AGPAT3: variants seen among roughly 807,000 people sequenced by gnomAD.
AGPAT3 encodes the protein 1-acylglycerol-3-phosphate O-acyltransferase 3.
In AGPAT3, 5 loss-of-function variants were observed where a neutral mutation model predicts 47.3. That is an observed-to-expected ratio of 0.11 (90% CI 0.06 to 0.22). The LOEUF is 0.22. Among genes scored for constraint, AGPAT3 ranks in the 10% least tolerant of loss-of-function variants. AGPAT3 has a pLI of 1.00. For synonymous variants in AGPAT3, 212 were observed against 208.3 expected, an observed-to-expected ratio of 1.02 and a Z score of -0.15; for missense variants, 315 against 493.0, an observed-to-expected ratio of 0.64 and a Z score of 3.42.
chr21:43,865,846 G>A (rs574620565), intron 1 of AGPAT3, among the ~76,000 whole-genome samples: 3 of 152,116 alleles, frequency 2.0e-5, no homozygotes, highest in African/African-American at 4.8e-5. Flanking sequence ...CCCCCCCCAG[G>A]GGCCTCCTCC....
At chr21:43,925,653 C>G (rs940388465) in intron 2 of AGPAT3, among the ~76,000 whole-genome samples, 8 of 152,252 alleles carry the variant, frequency 5.3e-5, no homozygotes, top group Non-Finnish European at 8.8e-5. Context: ...TCCAGCTCCG[C>G]TCTGTCCCCT....
rs969061008 is a variant in AGPAT3, at chr21:43,930,252, G to T, written c.-49+26233G>T. Among the ~76,000 whole-genome samples the T allele has an allele frequency of 6.6e-6, 1 of 152,142 alleles. No homozygotes were observed. Among genetic ancestry groups the T allele is most frequent in the African/African-American group, 2.4e-5 (1 of 41,436 alleles). On this transcript the variant is annotated intron_variant, in intron 2 of 9. Transcript: ENST00000291572. The surrounding 1 kb of genome is among the most constrained non-coding windows in gnomAD (Gnocchi z 5.0). ...TGGGAGGTCTCAGGGCAGAGACGCC[G>T]CACGGTGGGGTAGGGGGCTCTGGTG...
chr21:43,895,507 G>A (rs1022611419), intron 1 of AGPAT3, among the ~76,000 whole-genome samples: 4 of 102,490 alleles, frequency 3.9e-5, no homozygotes, highest in East Asian at 5.9e-4. Context: ...TGTAGTGACA[G>A]GATTTTTTTT....
chr21:43,939,592 C>T lies in AGPAT3; in HGVS notation c.-48-20042C>T, dbSNP rs9653797. Among the ~76,000 whole-genome samples, 1,318 of 152,264 alleles carry T rather than the reference C, an allele frequency of 8.7e-3. 20 individuals carry two copies. Among genetic ancestry groups the T allele is most frequent in the African/African-American group, 0.03 (1,236 of 41,534 alleles). ...TGCAGTTTGGAGAGAGTGTCGCGGGCGCCTGGCCTGTCCGGCAGGCTGGGT... is the reference window on the plus strand; with the variant it reads ...TGCAGTTTGGAGAGAGTGTCGCGGGTGCCTGGCCTGTCCGGCAGGCTGGGT... On this transcript the variant is annotated intron_variant, in intron 2 of 9. Coordinates refer to ENST00000291572, the MANE Select transcript of AGPAT3 (RefSeq NM_020132.5). The surrounding 1 kb of genome is among the most constrained non-coding windows in gnomAD (Gnocchi z 4.4).
At chr21:43,867,503 G>C (rs2085533693) in intron 1 of AGPAT3, 1 of 152,264 alleles carries the variant, frequency 6.6e-6, no homozygotes, top group South Asian at 2.1e-4. Flanking sequence ...CCCCGCTTAG[G>C]CTCTCACATT....
At position 43,907,392 on chromosome 21, in the gene AGPAT3, T is replaced by C. The variant is rs554097044; in HGVS notation, c.-49+3373T>C. ...TGCTGAAGATTTATGTACTTCTCTG[T>C]ATCTATTACACTTTAACAAAAAGTT... On this transcript the variant is annotated intron_variant, in intron 2 of 9. Coordinates refer to ENST00000291572, the MANE Select transcript of AGPAT3 (RefSeq NM_020132.5). Among the ~76,000 whole-genome samples the C allele has an allele frequency of 2.6e-5, 4 of 152,250 alleles. No individual in the cohort carries two copies. In the South Asian group the frequency reaches 8.3e-4, roughly 32 times the overall value.
At chr21:43,871,654 C>T (rs550478371) in intron 1 of AGPAT3, among the ~76,000 whole-genome samples, 2 of 152,314 alleles carry the variant, frequency 1.3e-5, no homozygotes, top group East Asian at 3.9e-4. Flanking sequence ...TGAAAGTGAG[C>T]ATCCTGCATA....
rs1192782767 is a variant in AGPAT3 at position 43,897,586 on chromosome 21, G to A, written c.-111-6371G>A. Among the ~76,000 whole-genome samples, 53 of 145,390 alleles carry A rather than the reference G, an allele frequency of 3.6e-4. 4 individuals are homozygous for A. The highest frequency in any genetic ancestry group is 9.3e-4 in the African/African-American group (35 of 37,474). On this transcript the variant is annotated intron_variant, in intron 1 of 9. Transcript: ENST00000291572. The stretch of plus-strand genomic sequence containing the variant: ...CAGAGGCGCTCCTCACATCCCAGAC[G>A]GGGCGGCCGGGCAGAGGGGCTCCTC...
At chr21:43,869,325 A>T (rs1288485845) in intron 1 of AGPAT3, among the ~76,000 whole-genome samples, 1 of 152,216 alleles carries the variant, frequency 6.6e-6, no homozygotes, top group Non-Finnish European at 1.5e-5. Context: ...GTCCTAGTCT[A>T]ATTGGAGTGA....
At chr21:43,892,896 A>G (rs1294232300) in intron 1 of AGPAT3, among the ~76,000 whole-genome samples, 4 of 152,154 alleles carry the variant, frequency 2.6e-5, no homozygotes, top group Non-Finnish European at 5.9e-5. Context: ...TCAAGTCAAG[A>G]CCAAGCTGGG....
Position 43,920,914 on chromosome 21 carries a change from A to G in AGPAT3, c.-49+16895A>G, listed in dbSNP as rs1433379861. Among the ~76,000 whole-genome samples the G allele has an allele frequency of 1.3e-5, 2 of 152,174 alleles. No homozygotes were observed. Among genetic ancestry groups the G allele is most frequent in the East Asian group, 1.9e-4 (1 of 5,192 alleles). On this transcript the variant is annotated intron_variant, in intron 2 of 9. Transcript: ENST00000291572. The surrounding 1 kb of genome is among the most constrained non-coding windows in gnomAD (Gnocchi z 6.1). Reference sequence around the variant, plus strand: ...GCTGAGGCGGGCAGATCACGAGGTCAGGAGATCAAGACCACGGTGAAACCC... The same window carrying G: ...GCTGAGGCGGGCAGATCACGAGGTCGGGAGATCAAGACCACGGTGAAACCC...
rs1176172827 is a variant in AGPAT3, at chr21:43,930,013, C to G, written c.-49+25994C>G. On this transcript the variant is annotated intron_variant, in intron 2 of 9. Coordinates refer to ENST00000291572, the MANE Select transcript of AGPAT3 (RefSeq NM_020132.5). This position sits in a 1 kb window ranked among gnomAD's most constrained non-coding sequence, Gnocchi z 5.0. ...GCCCAGGCGTGCCGGAGAGAGAGGA[C>G]TTGAGTGACTGTCCTCCTGGAACCC... Among the ~76,000 whole-genome samples, 1 of 152,244 alleles carries G rather than the reference C, an allele frequency of 6.6e-6. No homozygotes were observed. The highest frequency in any genetic ancestry group is 6.5e-5 in the Admixed American group (1 of 15,290).
chr21:43,897,108 T>TC (rs1192949200), intron 1 of AGPAT3, among the ~76,000 whole-genome samples: 1 of 151,992 alleles, frequency 6.6e-6, no homozygotes, highest in East Asian at 1.9e-4. Context: ...CCTGCGGCCT[T>TC]CCGCAGTGTT....
intron 2 of AGPAT3, among the ~76,000 whole-genome samples, chr21:43,943,518 G>A (rs1384841459): frequency 6.6e-6 from 1 of 152,178 alleles, no homozygotes. Context: ...ACCCTCCTGG[G>A]GCTCGATTTC....
chr21:43,955,185 C>T lies in AGPAT3; in HGVS notation c.-48-4449C>T, dbSNP rs1037686841. The T allele has an allele frequency of 2.1e-5, 26 of 1,268,084 alleles. No homozygotes were observed. The African/African-American group carries it at 2.3e-4, about 11-fold the overall frequency. 78.6% of individuals were successfully genotyped at this position (1,268,084 alleles called of 1,614,324 possible). ...TCCCGGGGCCGTCTCAGAAGCACCG[C>T]GCTGGACCGGCTGGGCCAGATGCCA... On this transcript the variant is annotated intron_variant, in intron 2 of 9. Coordinates refer to ENST00000291572, the MANE Select transcript of AGPAT3 (RefSeq NM_020132.5). This position sits in a 1 kb window ranked among gnomAD's most constrained non-coding sequence, Gnocchi z 4.1.
Position 43,981,630 on chromosome 21 carries a change from AC to A in AGPAT3, c.1042+445del, listed in dbSNP as rs1489432155. 6.6e-6 allele frequency among the ~76,000 whole-genome samples: 1 copy of A among 152,016 alleles called. No homozygotes were observed. Among genetic ancestry groups the A allele is most frequent in the African/African-American group, 2.4e-5 (1 of 41,382 alleles). ...CCACCCCAGGCACAATGCCAGGCCC[AC>A]CACGACTCATCAGCTAGCCTGGGGC... On this transcript the variant is annotated intron_variant, in intron 9 of 9. Coordinates refer to ENST00000291572, the MANE Select transcript of AGPAT3 (RefSeq NM_020132.5). The surrounding 1 kb of genome is among the most constrained non-coding windows in gnomAD (Gnocchi z 5.3).
intron 1 of AGPAT3, among the ~76,000 whole-genome samples, chr21:43,883,892 C>G (rs1681025198): frequency 6.6e-6 from 1 of 152,300 alleles, no homozygotes; most frequent in Admixed American, 6.5e-5. Context: ...CTGTGCCTAG[C>G]TAATTTTGTA....
rs568233486 is a variant in AGPAT3, at chr21:43,933,847, C to T, written c.-48-25787C>T. On this transcript the variant is annotated intron_variant, in intron 2 of 9. Transcript: ENST00000291572. The surrounding 1 kb of genome is among the most constrained non-coding windows in gnomAD (Gnocchi z 6.0). ...ACTCCCGCGCCTGCCACGAGCCTCACGTGGAGAGTGGACAGTGGCATGGAA... is the reference window on the plus strand; with the variant it reads ...ACTCCCGCGCCTGCCACGAGCCTCATGTGGAGAGTGGACAGTGGCATGGAA... 1.6e-3 allele frequency among the ~76,000 whole-genome samples: 250 copies of T among 152,228 alleles called. No homozygotes were observed. Among genetic ancestry groups the T allele is most frequent in the Non-Finnish European group, 2.1e-3 (140 of 68,020 alleles).
rs781757705 is a variant in AGPAT3 at position 43,982,397 on chromosome 21, T to C, written c.*5T>C. ...GAGTTTAAGAAAAAGGAATAATTAA[T>C]GGCTGTGACTGAACACACGCGGCCC... On this transcript the variant is annotated 3_prime_UTR_variant, in exon 10 of 10. Transcript: ENST00000291572. This position sits in a 1 kb window ranked among gnomAD's most constrained non-coding sequence, Gnocchi z 6.2. The C allele has an allele frequency of 1.2e-6, 2 of 1,606,798 alleles. No individual in the cohort carries two copies. Among genetic ancestry groups the C allele is most frequent in the South Asian group, 2.2e-5 (2 of 90,926 alleles).
Sources: gnomAD v4.1 joint callset for allele counts (sites outside exome capture counted in the v4.1 genomes callset) on GRCh38, gnomAD v4.1.1 for gene constraint, Gnocchi (gnomAD v3.1) non-coding constraint, MANE v1.5 for transcripts, NCBI Gene and HGNC (gene_info 2026-07-23, HGNC 2026-07-21) for gene names.